WWP1: variants seen among roughly 807,000 people sequenced by gnomAD.
WWP1 encodes the protein NEDD4-like E3 ubiquitin-protein ligase WWP1.
WWP1 carries 49 observed loss-of-function variants against 130.6 expected under a neutral mutation model. The ratio of observed to expected loss-of-function variants is 0.38; its 90% CI spans 0.30 to 0.48. WWP1 has a LOEUF of 0.48. WWP1 is among the 20% of genes least tolerant of loss of function. The pLI, the probability that WWP1 is intolerant of heterozygous loss-of-function variation, is 0.99. For missense variants in WWP1, 809 were observed against 1,100.6 expected (o/e 0.74, Z 3.75); for synonymous variants, 332 against 367.8 (o/e 0.90, Z 1.11).
chr8:86,442,857 GATA>G (rs1451748568), intron 18 of WWP1, 79 bp downstream of exon 18: 2 of 1,250,390 alleles, frequency 1.6e-6, no homozygotes, highest in Non-Finnish European at 2.2e-6. Flanking sequence ...AAAAAAAAAG[GATA>G]AGCATTATAT....
In WWP1 at chr8:86,381,579, G is replaced by GA. The variant is rs1379795272; in HGVS notation, c.288dup (p.Ala97SerfsTer14). The GA allele has an allele frequency of 6.2e-7, 1 of 1,609,986 alleles. No individual in the cohort carries two copies. The highest frequency in any genetic ancestry group is 8.5e-7 in the Non-Finnish European group (1 of 1,179,030). The stretch of plus-strand genomic sequence containing the variant: ...ACTTTAAAAGCAGATGCTTTATTAG[G>GA]AAAAGCAACGATAGATTTGAAACAA... On this transcript the variant is annotated frameshift_variant, in exon 5 of 25. Coordinates refer to ENST00000517970, the MANE Select transcript of WWP1 (RefSeq NM_007013.4). LOFTEE classifies it high-confidence loss of function.
chr8:86,401,906 AAAAG>A (rs1808001250), intron 7 of WWP1, 109 bp from the exon 8 acceptor site: 3 of 1,125,282 alleles, frequency 2.7e-6, no homozygotes, highest in Non-Finnish European at 3.5e-6. Context: ...AAAATTTTAA[AAAAG>A]AAATAACAAA....
At chr8:86,433,971 T>TAC (rs1335698770) in intron 14 of WWP1, among the ~76,000 whole-genome samples, 2 of 152,026 alleles carry the variant, frequency 1.3e-5, no homozygotes, top group Admixed American at 6.6e-5. Context: ...TCTCCTACCT[T>TAC]ACAAACAGTC....
At chr8:86,437,312 A>G (rs1810346308) in intron 16 of WWP1, among the ~76,000 whole-genome samples, 1 of 152,244 alleles carries the variant, frequency 6.6e-6, no homozygotes, top group Non-Finnish European at 1.5e-5. Context: ...TTTTTAAGTT[A>G]TACTAGCCTG....
At chr8:86,464,918 C>T (rs61208631) in intron 24 of WWP1, among the ~76,000 whole-genome samples, 8,709 of 138,182 alleles carry the variant, frequency 0.063, 817 homozygotes, top group African/African-American at 0.21. Context: ...CACATGCGCG[C>T]GCGTGTGTGT....
chr8:86,390,744 G>C (rs1018692339), intron 5 of WWP1, among the ~76,000 whole-genome samples: 3 of 151,680 alleles, frequency 2.0e-5, no homozygotes, highest in Admixed American at 6.6e-5. Flanking sequence ...GAGGAGGAGC[G>C]GGAGGGAGAG....
chr8:86,395,487 AAC>A (rs1408746258), intron 5 of WWP1, among the ~76,000 whole-genome samples: 3 of 127,198 alleles, frequency 2.4e-5, no homozygotes, highest in South Asian at 2.7e-4. Flanking sequence ...TACTGTCCCA[AAC>A]AAGAGAGCAA....
At chr8:86,423,643 C>G (rs1809362758) in intron 9 of WWP1, among the ~76,000 whole-genome samples, 1 of 152,214 alleles carries the variant, frequency 6.6e-6, no homozygotes, top group Non-Finnish European at 1.5e-5. Flanking sequence ...GACACAGCAA[C>G]AATCTGATTT....
chr8:86,389,863 G>A (rs1420942195), intron 5 of WWP1, among the ~76,000 whole-genome samples: 4 of 151,716 alleles, frequency 2.6e-5, no homozygotes, highest in African/African-American at 9.7e-5. Flanking sequence ...AGATGGGGCG[G>A]CTGGCCGGGC....
chr8:86,405,832 C>T (rs1808249276), intron 8 of WWP1, among the ~76,000 whole-genome samples: 1 of 135,322 alleles, frequency 7.4e-6, no homozygotes, highest in South Asian at 2.4e-4. Context: ...ATGTTGTCCA[C>T]TGCTACCTTT....
intron 11 of WWP1, among the ~76,000 whole-genome samples, chr8:86,430,406 A>G (rs911359371): frequency 3.9e-5 from 6 of 152,088 alleles, no homozygotes; most frequent in Admixed American, 1.3e-4. Context: ...TCAGCCTTCC[A>G]AGTAGCTGGG....
At chr8:86,363,305 A>C (rs79600601) in intron 1 of WWP1, among the ~76,000 whole-genome samples, 1 of 152,062 alleles carries the variant, frequency 6.6e-6, no homozygotes. Flanking sequence ...TCAGACTGTT[A>C]CCTGTTTTTA....
Position 86,380,562 on chromosome 8 carries a change from T to C in WWP1, c.71-164T>C, listed in dbSNP as rs1470857500. ...TAAAACTGTTACAGAAACATTCAAATGGCTCTCAAGCATTATCAGTAGCCC... is the reference window on the plus strand; with the variant it reads ...TAAAACTGTTACAGAAACATTCAAACGGCTCTCAAGCATTATCAGTAGCCC... On this transcript the variant is annotated intron_variant, in intron 3 of 24. Transcript: ENST00000517970. Among the ~76,000 whole-genome samples the C allele has an allele frequency of 3.3e-5, 5 of 152,218 alleles. No individual in the cohort carries two copies. In the East Asian group the frequency reaches 9.6e-4, roughly 29 times the overall value.
At chr8:86,354,200 C>G (rs1389119920) in intron 1 of WWP1, among the ~76,000 whole-genome samples, 1 of 152,186 alleles carries the variant, frequency 6.6e-6, no homozygotes, top group Non-Finnish European at 1.5e-5. Context: ...AAACCTGGCA[C>G]TTAGTTTTCA....
In WWP1 at chr8:86,435,473, T is replaced by G; in HGVS notation, c.1623T>G (p.Ile541Met). 1.2e-6 allele frequency: 2 copies of G among 1,614,200 alleles called. No homozygotes were observed. Among genetic ancestry groups the G allele is most frequent in the Non-Finnish European group, 1.7e-6 (2 of 1,180,026 alleles). The change falls in exon 15 of 25, where the codon ATT becomes ATG. Residue 541 changes from isoleucine (I) to methionine (M), a missense_variant. Ile to Met is a conservative substitution (Grantham distance 10). This residue lies in a region of WWP1 where 450 missense variants were observed against 674.2 expected (regional missense o/e 0.67). Coordinates refer to ENST00000517970, the MANE Select transcript of WWP1 (RefSeq NM_007013.4). Reference sequence around the variant, plus strand: ...TTAGAACTAAAGGTGGTCCACAAATTGCTTATGAACGCGGCTTTAGGTGGA... The same window carrying G: ...TTAGAACTAAAGGTGGTCCACAAATGGCTTATGAACGCGGCTTTAGGTGGA... ...KSSVTKGGPQ[I>M]AYERGFRWKL... is the part of the protein sequence containing the mutation.
intron 8 of WWP1, among the ~76,000 whole-genome samples, chr8:86,408,206 T>C (rs1018710097): frequency 6.6e-6 from 1 of 152,218 alleles, no homozygotes; most frequent in Admixed American, 6.5e-5. Context: ...GGTTTCTCCA[T>C]GTTTTTTGTG....
chr8:86,406,354 T>C (rs1159316253), intron 8 of WWP1, among the ~76,000 whole-genome samples: 1 of 152,222 alleles, frequency 6.6e-6, no homozygotes, highest in African/African-American at 2.4e-5. Context: ...ACTTCTAGTG[T>C]CAAATAACTT....
chr8:86,391,344 C>T (rs1312731695), intron 5 of WWP1, among the ~76,000 whole-genome samples: 2 of 152,188 alleles, frequency 1.3e-5, no homozygotes, highest in Non-Finnish European at 2.9e-5. Context: ...AACTTCAGTT[C>T]TGTGTTCAGG....
intron 5 of WWP1, among the ~76,000 whole-genome samples, chr8:86,395,000 G>A (rs1023404503): frequency 1.5e-3 from 209 of 141,432 alleles, no homozygotes; most frequent in Non-Finnish European, 2.6e-3. Flanking sequence ...TCATGAAACA[G>A]AATTAGAATA....
Sources: gnomAD v4.1 joint callset for allele counts (sites outside exome capture counted in the v4.1 genomes callset) on GRCh38, gnomAD v4.1.1 for gene constraint, gnomAD v4.1.1 regional missense constraint, MANE v1.5 for transcripts, NCBI Gene and HGNC (gene_info 2026-07-23, HGNC 2026-07-21) for gene names.